The following CFAP97 variants were observed in gnomAD, a reference collection of about 807,000 sequenced individuals.
CFAP97 encodes the protein cilia- and flagella-associated protein 97.
Under a neutral mutation model 43.1 loss-of-function variants are expected in CFAP97, and 36 were observed. That is an observed-to-expected ratio of 0.84 (90% CI 0.64 to 1.10). The LOEUF is 1.10. Ranked by LOEUF, CFAP97 falls within the 50% of genes least tolerant of loss-of-function variation. The pLI is 0.00. For missense variants in CFAP97, 657 were observed against 620.3 expected, an observed-to-expected ratio of 1.06 and a Z score of -0.63; for synonymous variants, 228 against 225.7, an observed-to-expected ratio of 1.01 and a Z score of -0.09.
chr4:185,167,781 G>A (rs1177536945), intron 3 of CFAP97, among the ~76,000 whole-genome samples: 4 of 151,980 alleles, frequency 2.6e-5, no homozygotes, highest in Admixed American at 2.0e-4. Context: ...GATTACTTGA[G>A]GTAAGGAGTT....
rs1164296644 is a variant in CFAP97 at position 185,161,018 on chromosome 4, C to T, written c.*1780G>A. On this transcript the variant is annotated 3_prime_UTR_variant, in exon 5 of 5. Transcript: ENST00000458385. ...TCACTATTGGACAGATGTTCAAATG[C>T]TAAATTTAAAATTCAGCATTATCTT... 1.3e-5 allele frequency: 2 copies of T among 150,836 alleles called. No homozygotes were observed. Among genetic ancestry groups the T allele is most frequent in the Non-Finnish European group, 3.0e-5 (2 of 67,728 alleles). The allele number at this position is 150,836 out of a possible 1,614,324, so 9.3% of individuals were successfully genotyped here.
intron 1 of CFAP97, among the ~76,000 whole-genome samples, chr4:185,197,736 T>G (rs1303621232): frequency 6.6e-6 from 1 of 152,204 alleles, no homozygotes; most frequent in Non-Finnish European, 1.5e-5. Flanking sequence ...TAAATTTTCC[T>G]AGTCCACTTA....
rs185402417 is a variant in CFAP97 at position 185,181,859 on chromosome 4, C to G, written c.1055-5808G>C. Among the ~76,000 whole-genome samples the G allele has an allele frequency of 2.0e-5, 3 of 152,274 alleles. No homozygotes were observed. In the East Asian group the frequency reaches 5.8e-4, roughly 29 times the overall value. On this transcript the variant is annotated intron_variant, in intron 2 of 4. Coordinates refer to ENST00000458385, the MANE Select transcript of CFAP97 (RefSeq NM_020827.3). ...GCTGCCAGGCAGGACGTGCTGGTAG[C>G]TAATCTCAGTATGGGCATCTCCTTT...
At chr4:185,186,741 T>C (rs758739642) in intron 2 of CFAP97, among the ~76,000 whole-genome samples, 2 of 152,190 alleles carry the variant, frequency 1.3e-5, no homozygotes, top group Non-Finnish European at 2.9e-5. Context: ...AGTTTATTAC[T>C]ACTATTAAAC....
chr4:185,191,109 T>A lies in CFAP97; in HGVS notation c.88A>T (p.Asn30Tyr). ...TCATTTTGCTTGTCAAAAACTGAGTTAGTTTCACATTTCTTTCCTTCTTCA... is the reference window on the plus strand; with the variant it reads ...TCATTTTGCTTGTCAAAAACTGAGTAAGTTTCACATTTCTTTCCTTCTTCA... ...DFEEGKKCETNSVFDKQNDDP... is the reference protein window; with the variant it reads ...DFEEGKKCETYSVFDKQNDDP... Residue 30 changes from asparagine (N) to tyrosine (Y), a missense_variant, in exon 2 of 5, where the codon AAC becomes TAC. Transcript: ENST00000458385. 2 of 1,612,374 alleles carry A rather than the reference T, an allele frequency of 1.2e-6. No homozygotes were observed. Among genetic ancestry groups the A allele is most frequent in the Non-Finnish European group, 1.7e-6 (2 of 1,179,562 alleles).
chr4:185,207,266 G>C (rs1246352481), upstream of CFAP97, among the ~76,000 whole-genome samples: 2 of 142,510 alleles, frequency 1.4e-5, no homozygotes, highest in Non-Finnish European at 3.0e-5. Flanking sequence ...GCCCAGGCTG[G>C]AGTGCAGTGG....
chr4:185,187,227 A>G lies in CFAP97; in HGVS notation c.1054+2916T>C, dbSNP rs192426257. Among the ~76,000 whole-genome samples the G allele has an allele frequency of 3.6e-3, 549 of 152,354 alleles. 2 individuals are homozygous for G. Among genetic ancestry groups the G allele is most frequent in the Middle Eastern group, 6.8e-3 (2 of 294 alleles). On this transcript the variant is annotated intron_variant, in intron 2 of 4. Transcript: ENST00000458385. Reference sequence around the variant, plus strand: ...GTTTTAACAGGAATGGGCAACTGTTATAAAATGAAATTTCCATGAACATAT... The same window carrying G: ...GTTTTAACAGGAATGGGCAACTGTTGTAAAATGAAATTTCCATGAACATAT...
At chr4:185,193,915 A>T (rs1736423392) in intron 1 of CFAP97, among the ~76,000 whole-genome samples, 1 of 152,086 alleles carries the variant, frequency 6.6e-6, no homozygotes, top group Non-Finnish European at 1.5e-5. Flanking sequence ...TAAATAAGGG[A>T]ATTCTAACAT....
upstream of CFAP97, chr4:185,204,502 C>G (rs887061430): frequency 2.0e-5 from 3 of 152,178 alleles, no homozygotes; most frequent in African/African-American, 7.2e-5. Context: ...TAAAAATGAT[C>G]TCTGCAGAAT....
chr4:185,205,924 T>C (rs1454196085), upstream of CFAP97, among the ~76,000 whole-genome samples: 2 of 152,058 alleles, frequency 1.3e-5, no homozygotes, highest in African/African-American at 4.8e-5. Flanking sequence ...AATAAACACA[T>C]GAAAAGATAC....
At chr4:185,183,559 T>C (rs1385084095) in intron 2 of CFAP97, among the ~76,000 whole-genome samples, 2 of 152,266 alleles carry the variant, frequency 1.3e-5, no homozygotes, top group African/African-American at 2.4e-5. Context: ...GTTGCAGTTA[T>C]ATGGTGGAAA....
rs769578150 is a variant in CFAP97 at position 185,190,606 on chromosome 4, T to G, written c.591A>C (p.Leu197=). 1.7e-5 allele frequency: 28 copies of G among 1,608,190 alleles called. No homozygotes were observed. The highest frequency in any genetic ancestry group is 2.2e-5 in the Non-Finnish European group (26 of 1,176,962). The part of the protein sequence containing the change: ...DCLDAGSDSH[L]SDSSPSSKSS... ...ACTTAGATGACGGAGACGAATCAGA[T>G]AGATGGCTATCAGACCCTGCATCTA... The change falls in exon 2 of 5, where the codon CTA becomes CTC. Residue 197 remains leucine (L), a synonymous_variant. Transcript: ENST00000458385.
At position 185,160,466 on chromosome 4, in the gene CFAP97, A is replaced by G. The variant is rs1036620340; in HGVS notation, c.*2332T>C. ...GTACTTAAGTAATTCCTTCTTAAGAATGTCCCTTAAACTATAACAACTTCA... is the reference window on the plus strand; with the variant it reads ...GTACTTAAGTAATTCCTTCTTAAGAGTGTCCCTTAAACTATAACAACTTCA... On this transcript the variant is annotated 3_prime_UTR_variant, in exon 5 of 5. Coordinates refer to ENST00000458385, the MANE Select transcript of CFAP97 (RefSeq NM_020827.3). 10 of 152,206 alleles carry G rather than the reference A, an allele frequency of 6.6e-5. No individual in the cohort carries two copies. Among genetic ancestry groups the G allele is most frequent in the African/African-American group, 2.4e-4 (10 of 41,466 alleles). 9.4% of individuals were successfully genotyped at this position (152,206 alleles called of 1,614,324 possible). A position where few individuals can be genotyped will look rare whatever the true frequency, so the allele number is the denominator to read the frequency against.
At chr4:185,191,693 G>A (rs1736265213) in intron 1 of CFAP97, among the ~76,000 whole-genome samples, 1 of 152,202 alleles carries the variant, frequency 6.6e-6, no homozygotes, top group Non-Finnish European at 1.5e-5. Flanking sequence ...AGCTGGGCGT[G>A]ATGGCACGTG....
intron 3 of CFAP97, among the ~76,000 whole-genome samples, chr4:185,171,031 T>C (rs1251293984): frequency 1.4e-5 from 2 of 143,600 alleles, no homozygotes; most frequent in Non-Finnish European, 3.0e-5. Flanking sequence ...CTTAAGTTTC[T>C]AAATTCATAC....
upstream of CFAP97, among the ~76,000 whole-genome samples, chr4:185,208,733 GAAAA>G (rs1579287155): frequency 6.7e-6 from 1 of 148,888 alleles, no homozygotes; most frequent in East Asian, 2.0e-4. Flanking sequence ...CAAAAAAAAA[GAAAA>G]AAAGAAAGAA....
rs551348243 is a variant in CFAP97 at position 185,178,095 on chromosome 4, C to CAGACTT, written c.1055-2050_1055-2045dup. Among the ~76,000 whole-genome samples, 205 of 152,062 alleles carry CAGACTT rather than the reference C, an allele frequency of 1.3e-3. 2 individuals carry two copies. Among genetic ancestry groups the CAGACTT allele is most frequent in the South Asian group, 8.9e-3 (43 of 4,826 alleles). Reference sequence around the variant, plus strand: ...CCTGAATGAGAAACATTTAGAGAAACAGACTTAGATGCATAAAACATGTGA... The same window carrying CAGACTT: ...CCTGAATGAGAAACATTTAGAGAAACAGACTTAGACTTAGATGCATAAAACATGTGA... On this transcript the variant is annotated intron_variant, in intron 2 of 4. Coordinates refer to ENST00000458385, the MANE Select transcript of CFAP97 (RefSeq NM_020827.3).
At chr4:185,166,942 G>A (rs1328279741) in intron 3 of CFAP97, among the ~76,000 whole-genome samples, 3 of 152,020 alleles carry the variant, frequency 2.0e-5, no homozygotes, top group African/African-American at 4.8e-5. Flanking sequence ...GCGGCCCAGC[G>A]CAAATTCATT....
chr4:185,191,302 C>T (rs1336521857), intron 1 of CFAP97, 90 bp from the exon 2 acceptor site: 3 of 933,876 alleles, frequency 3.2e-6, no homozygotes. Context: ...CCCAAACTGA[C>T]AAGTGTGTTT....
Sources: allele counts gnomAD v4.1 joint callset (sites outside exome capture counted in the v4.1 genomes callset), GRCh38; gene constraint gnomAD v4.1.1; transcripts MANE v1.5; gene names NCBI Gene and HGNC (gene_info 2026-07-23, HGNC 2026-07-21).